LDLRAD4: variants seen among roughly 807,000 people sequenced by gnomAD.
LDLRAD4 encodes the protein low density lipoprotein receptor class A domain containing 4.
A neutral mutation model predicts 17.0 loss-of-function variants in LDLRAD4; 5 were observed. That is an observed-to-expected ratio of 0.29 (90% CI 0.15 to 0.62). LDLRAD4 has a LOEUF of 0.62. Ranked by LOEUF, LDLRAD4 falls within the 20% of genes least tolerant of loss-of-function variation. LDLRAD4 has a pLI of 0.84. For missense variants in LDLRAD4, 340 were observed against 424.7 expected, an observed-to-expected ratio of 0.80 and a Z score of 1.75; for synonymous variants, 168 against 171.8, an observed-to-expected ratio of 0.98 and a Z score of 0.17.
chr18:13,220,134 CAG>C (rs1407182042), intron 1 of LDLRAD4, among the ~76,000 whole-genome samples: 6 of 152,322 alleles, frequency 3.9e-5, no homozygotes, highest in Non-Finnish European at 5.9e-5. Flanking sequence ...CTTTTTAAAA[CAG>C]GGGGCTAACT....
intron 2 of LDLRAD4, 124 bp downstream of exon 3, chr18:13,387,886 C>A: frequency 1.3e-6 from 1 of 786,980 alleles, no homozygotes; most frequent in Non-Finnish European, 2.2e-6. Flanking sequence ...CAGTCAAGGG[C>A]TCAGGCTGCT....
chr18:13,637,871 CAA>C (rs555640548), intron 4 of LDLRAD4, among the ~76,000 whole-genome samples: 55 of 71,626 alleles, frequency 7.7e-4, no homozygotes, highest in Admixed American at 1.0e-3. Context: ...GTCTCAACAA[CAA>C]AAAAAAAAAA....
At chr18:13,559,785 G>C (rs560581289) in intron 3 of LDLRAD4, among the ~76,000 whole-genome samples, 1 of 152,148 alleles carries the variant, frequency 6.6e-6, no homozygotes, top group African/African-American at 2.4e-5. Context: ...CTAAATCACT[G>C]CCCCTCTCCT....
intron 3 of LDLRAD4, among the ~76,000 whole-genome samples, chr18:13,550,672 T>C (rs1026891446): frequency 1.3e-5 from 2 of 152,156 alleles, no homozygotes; most frequent in African/African-American, 4.8e-5. Flanking sequence ...CCTTGGGAGC[T>C]GGCCCCTGCC....
chr18:13,243,256 C>T lies in LDLRAD4; in HGVS notation c.-467+24268C>T, dbSNP rs576063402. On this transcript the variant is annotated intron_variant, in intron 1 of 5. Transcript: ENST00000399848. ...GAGAGCCAAGGAGCTGAGTTGTCCC[C>T]GGCCTCTTCCACTTCCAGCTCTTAG... 4.2e-4 allele frequency among the ~76,000 whole-genome samples: 64 copies of T among 152,332 alleles called. No individual in the cohort carries two copies. The Middle Eastern group carries it at 0.01, about 24-fold the overall frequency.
intron 2 of LDLRAD4, among the ~76,000 whole-genome samples, chr18:13,418,346 A>G (rs1862439656): frequency 6.6e-6 from 1 of 152,172 alleles, no homozygotes; most frequent in Non-Finnish European, 1.5e-5. Context: ...AGGGACCCAA[A>G]GTCCTTTGAT....
chr18:13,292,520 G>A (rs1326643631), intron 1 of LDLRAD4, among the ~76,000 whole-genome samples: 4 of 152,202 alleles, frequency 2.6e-5, no homozygotes, highest in Non-Finnish European at 5.9e-5. Context: ...TCTCCAGTAC[G>A]TTTTGAGAAA....
chr18:13,313,886 T>C (rs1433713001), intron 1 of LDLRAD4, among the ~76,000 whole-genome samples: 12 of 152,150 alleles, frequency 7.9e-5, no homozygotes, highest in Admixed American at 7.9e-4. Flanking sequence ...GAGAGTAGTT[T>C]GTTTGGTTTT....
intron 3 of LDLRAD4, among the ~76,000 whole-genome samples, chr18:13,564,699 C>T (rs940433522): frequency 4.9e-5 from 5 of 102,610 alleles, no homozygotes; most frequent in South Asian, 9.2e-4. Flanking sequence ...TCTGCGCTGC[C>T]GCCCCCCTTC....
chr18:13,255,821 C>T (rs183334864), intron 1 of LDLRAD4, among the ~76,000 whole-genome samples: 196 of 152,110 alleles, frequency 1.3e-3, no homozygotes, highest in Non-Finnish European at 1.8e-3. Context: ...AGATGTGGTG[C>T]GTCTGAATTT....
intron 3 of LDLRAD4, chr18:13,613,755 G>T (rs144872479): frequency 2.0e-5 from 3 of 152,368 alleles, no homozygotes; most frequent in Non-Finnish European, 4.4e-5. Flanking sequence ...AGTCCGTCCA[G>T]TCATCACGGG....
At chr18:13,329,281 C>G (rs1228087367) in intron 1 of LDLRAD4, among the ~76,000 whole-genome samples, 1 of 152,192 alleles carries the variant, frequency 6.6e-6, no homozygotes. Flanking sequence ...CAGCAACATA[C>G]TAGAGGCCTG....
chr18:13,376,144 C>T (rs1336530997), intron 1 of LDLRAD4, among the ~76,000 whole-genome samples: 2 of 152,180 alleles, frequency 1.3e-5, no homozygotes, highest in East Asian at 1.9e-4. Context: ...CCCCTCCCTG[C>T]CTGTCCTCCC....
At chr18:13,305,047 A>AT (rs2046829929) in intron 1 of LDLRAD4, among the ~76,000 whole-genome samples, 1 of 152,064 alleles carries the variant, frequency 6.6e-6, no homozygotes, top group African/African-American at 2.4e-5. Context: ...ATTTTTGGAG[A>AT]TTTTCAAATA....
chr18:13,375,021 G>A (rs918572638), intron 1 of LDLRAD4, among the ~76,000 whole-genome samples: 1 of 152,230 alleles, frequency 6.6e-6, no homozygotes, highest in African/African-American at 2.4e-5. Flanking sequence ...CACTGGGCAT[G>A]GTGCTATCTT....
rs555196763 is a variant in LDLRAD4, at chr18:13,426,255, A to C, written c.41-11989A>C. 3.3e-5 allele frequency: 5 copies of C among 152,354 alleles called. No individual in the cohort carries two copies. The East Asian group carries it at 9.6e-4, about 29-fold the overall frequency. The allele number at this position is 152,354 out of a possible 1,614,324, so 9.4% of individuals were successfully genotyped here. ...TTGAAGTCTCCCAAGTCTACTAGAA[A>C]TATTCTCTTTTTGGTTACTGGGGAG... On this transcript the variant is annotated intron_variant, in intron 2 of 5. Transcript: ENST00000359446.
At chr18:13,422,116 A>T (rs1232005839) in intron 2 of LDLRAD4, among the ~76,000 whole-genome samples, 1 of 152,236 alleles carries the variant, frequency 6.6e-6, no homozygotes, top group Non-Finnish European at 1.5e-5. Flanking sequence ...ATTTTTGGCC[A>T]ATATGTGTTT....
intron 3 of LDLRAD4, among the ~76,000 whole-genome samples, chr18:13,549,011 A>G (rs1383533806): frequency 6.6e-6 from 1 of 152,258 alleles, no homozygotes; most frequent in Non-Finnish European, 1.5e-5. Context: ...CAGCTCCCCA[A>G]AAGCAAACAG....
chr18:13,500,671 G>A (rs1195420066), intron 3 of LDLRAD4: 1 of 152,156 alleles, frequency 6.6e-6, no homozygotes, highest in East Asian at 1.9e-4. Context: ...TCAGAGCCTC[G>A]TTGAGTAACA....
Sources: allele counts gnomAD v4.1 joint callset (sites outside exome capture counted in the v4.1 genomes callset), GRCh38; gene constraint gnomAD v4.1.1; transcripts MANE v1.5; gene names NCBI Gene and HGNC (gene_info 2026-07-23, HGNC 2026-07-21).